CWF19L2: variants seen among roughly 807,000 people sequenced by gnomAD.
The protein encoded by CWF19L2 is CWF19 like cell cycle control factor 2.
In CWF19L2, 98 loss-of-function variants were observed where a neutral mutation model predicts 111.7. The observed-to-expected ratio is 0.88, with a 90% CI of 0.75 to 1.04. The LOEUF is 1.04. CWF19L2 is among the 50% of genes least tolerant of loss of function. The pLI, the probability that CWF19L2 is intolerant of heterozygous loss-of-function variation, is 0.00. For synonymous variants in CWF19L2, 351 were observed against 342.9 expected, an observed-to-expected ratio of 1.02 and a Z score of -0.26; for missense variants, 1,101 against 1,051.4, an observed-to-expected ratio of 1.05 and a Z score of -0.65.
rs772260147 is a variant in CWF19L2 at position 107,330,033 on chromosome 11, C to A, written c.2440-14G>T. 5.4e-6 allele frequency: 8 copies of A among 1,475,042 alleles called. No individual in the cohort carries two copies. In the South Asian group the frequency reaches 8.9e-5, roughly 16 times the overall value. 91.4% of individuals were successfully genotyped at this position (1,475,042 alleles called of 1,614,324 possible). ...CCCTCTGGGTACCTAAATAAACAGA[C>A]AAATCACAAATGGAATACAGTATGA... On this transcript the variant is annotated splice_polypyrimidine_tract_variant and intron_variant, in intron 16 of 17. Coordinates refer to ENST00000282251, the MANE Select transcript of CWF19L2 (RefSeq NM_152434.3).
chr11:107,403,924 G>A lies in CWF19L2; in HGVS notation c.1618-11029C>T, dbSNP rs1253893733. 4.7e-6 allele frequency: 4 copies of A among 858,276 alleles called. No individual in the cohort carries two copies. In the Admixed American group the frequency reaches 5.2e-5, roughly 11 times the overall value. The allele number at this position is 858,276 out of a possible 1,614,324, so 53.2% of individuals were successfully genotyped here. On this transcript the variant is annotated intron_variant, in intron 10 of 17. Transcript: ENST00000282251. ...CTAGTTTTCACTGAGGAACCATTAA[G>A]GACTGGACCTGTCGTTTAAGGACCT...
At chr11:107,434,462 TTGCCCCAGAACATGAC>T (rs1465196350) in intron 6 of CWF19L2, among the ~76,000 whole-genome samples, 1 of 152,008 alleles carries the variant, frequency 6.6e-6, no homozygotes, top group Non-Finnish European at 1.5e-5. Flanking sequence ...CTGATTTTCC[TTGCCCCAGAACATGAC>T]TGCTTTAAGA....
At chr11:107,365,259 G>C (rs1483228240) in intron 12 of CWF19L2, among the ~76,000 whole-genome samples, 1 of 145,812 alleles carries the variant, frequency 6.9e-6, no homozygotes, top group Non-Finnish European at 1.5e-5. Context: ...GGAGGAACTG[G>C]TACCATTCCT....
intron 3 of CWF19L2, among the ~76,000 whole-genome samples, chr11:107,448,631 G>A (rs1380547048): frequency 6.6e-6 from 1 of 152,150 alleles, no homozygotes. Context: ...GAATGTTTGT[G>A]TCCCCCACCA....
intron 12 of CWF19L2, among the ~76,000 whole-genome samples, chr11:107,360,259 G>A (rs1860305257): frequency 6.6e-6 from 1 of 152,084 alleles, no homozygotes; most frequent in African/African-American, 2.4e-5. Flanking sequence ...ATGACTTCCA[G>A]ATTCATTTAT....
chr11:107,406,002 T>A (rs1451340713), intron 10 of CWF19L2, among the ~76,000 whole-genome samples: 1 of 152,050 alleles, frequency 6.6e-6, no homozygotes, highest in African/African-American at 2.4e-5. Flanking sequence ...AGGAAACAAC[T>A]AAGAACCAAA....
At chr11:107,361,562 G>A (rs1455213804) in intron 12 of CWF19L2, among the ~76,000 whole-genome samples, 1 of 152,060 alleles carries the variant, frequency 6.6e-6, no homozygotes, top group African/African-American at 2.4e-5. Context: ...AGATTACTCT[G>A]GCCAGTATGG....
intron 10 of CWF19L2, among the ~76,000 whole-genome samples, chr11:107,413,786 T>C (rs1861189757): frequency 6.6e-6 from 1 of 152,224 alleles, no homozygotes; most frequent in South Asian, 2.1e-4. Context: ...TTTATAATGT[T>C]ATCTAAGTCA....
chr11:107,378,533 C>T (rs923012053), intron 12 of CWF19L2, among the ~76,000 whole-genome samples: 22 of 152,216 alleles, frequency 1.4e-4, no homozygotes, highest in African/African-American at 4.1e-4. Flanking sequence ...AACCAAACAC[C>T]GCGTATTCTC....
rs191415312 is a variant in CWF19L2, at chr11:107,379,055, C to T, written c.1872+11019G>A. ...GGAAATACTGAAAACAAGCCAGATT[C>T]GTTAAAGAGATACGTGATCCTGGGC... On this transcript the variant is annotated intron_variant, in intron 12 of 17. Coordinates refer to ENST00000282251, the MANE Select transcript of CWF19L2 (RefSeq NM_152434.3). 2.8e-4 allele frequency among the ~76,000 whole-genome samples: 43 copies of T among 152,190 alleles called. No homozygotes were observed. The East Asian group carries it at 8.1e-3, about 29-fold the overall frequency.
In CWF19L2 at chr11:107,429,426, A is replaced by C; in HGVS notation, c.806T>G (p.Leu269Ter). ...GGATGCAGCTTTTTCAGCATCTTCT[A>C]ATTTTGACTGAAATATTTCCATTGA... is the stretch of plus-strand genomic sequence containing the variant. Reference protein sequence around the residue: ...YGSMEIFQSKLEDAEKAASTK... With the variant: ...YGSMEIFQSK Residue 269 changes from leucine (L) to a stop codon, truncating the protein, a stop_gained, in exon 8 of 18, where the codon TTA becomes TGA. Coordinates refer to ENST00000282251, the MANE Select transcript of CWF19L2 (RefSeq NM_152434.3). LOFTEE classifies it high-confidence loss of function. 6.4e-7 allele frequency: 1 copy of C among 1,558,032 alleles called. No homozygotes were observed. The highest frequency in any genetic ancestry group is 1.2e-5 in the South Asian group (1 of 83,076).
At chr11:107,447,567 T>C (rs1479809225) in intron 3 of CWF19L2, among the ~76,000 whole-genome samples, 1 of 152,218 alleles carries the variant, frequency 6.6e-6, no homozygotes, top group Non-Finnish European at 1.5e-5. Flanking sequence ...CATGCCTTAG[T>C]AGAAAGGCTA....
chr11:107,418,911 G>A (rs922901749), intron 8 of CWF19L2, among the ~76,000 whole-genome samples: 16 of 152,206 alleles, frequency 1.1e-4, no homozygotes, highest in African/African-American at 3.4e-4. Context: ...AGGCTACAGT[G>A]CAGGACAGTG....
At position 107,353,754 on chromosome 11, in the gene CWF19L2, C is replaced by T; in HGVS notation, c.1873-18G>A. 6.3e-7 allele frequency: 1 copy of T among 1,598,356 alleles called. No homozygotes were observed. Among genetic ancestry groups the T allele is most frequent in the Non-Finnish European group, 8.6e-7 (1 of 1,166,164 alleles). The stretch of plus-strand genomic sequence containing the variant: ...CCCATAAACTGAAAAACCAAAATAA[C>T]AGTAATAGAGAGTAGAAGGTAGTGA... On this transcript the variant is annotated intron_variant, in intron 12 of 17. Transcript: ENST00000282251.
At chr11:107,434,963 T>C (rs1339187180) in intron 6 of CWF19L2, among the ~76,000 whole-genome samples, 1 of 152,110 alleles carries the variant, frequency 6.6e-6, no homozygotes, top group Non-Finnish European at 1.5e-5. Context: ...TTTATGTACA[T>C]ATATAATATA....
rs1249136231 is a variant in CWF19L2 at position 107,368,701 on chromosome 11, G to A, written c.1873-14965C>T. 1.5e-5 allele frequency among the ~76,000 whole-genome samples: 2 copies of A among 137,146 alleles called. 1 individual carries two copies. The highest frequency in any genetic ancestry group is 5.8e-5 in the African/African-American group (2 of 34,410). The allele number at this position is 137,146 out of a possible 152,430, so 90.0% of individuals were successfully genotyped here. Reference sequence around the variant, plus strand: ...TAGCAAAACTTTCCAAATAGCTAAGGGTTTACCATTTAAGTATAAAAACAT... The same window carrying A: ...TAGCAAAACTTTCCAAATAGCTAAGAGTTTACCATTTAAGTATAAAAACAT... On this transcript the variant is annotated intron_variant, in intron 12 of 17. Transcript: ENST00000282251.
chr11:107,453,248 G>A (rs1001099737), intron 3 of CWF19L2, among the ~76,000 whole-genome samples: 15 of 152,132 alleles, frequency 9.9e-5, no homozygotes, highest in Admixed American at 7.9e-4. Flanking sequence ...ACAATACCAA[G>A]TACTAGCAAG....
chr11:107,402,232 G>C (rs1861011479), intron 10 of CWF19L2, among the ~76,000 whole-genome samples: 1 of 151,990 alleles, frequency 6.6e-6, no homozygotes, highest in African/African-American at 2.4e-5. Context: ...AAAAATAGCT[G>C]GGACCTATTA....
chr11:107,396,117 TG>T (rs1565267220), intron 10 of CWF19L2, among the ~76,000 whole-genome samples: 1 of 152,128 alleles, frequency 6.6e-6, no homozygotes, highest in Non-Finnish European at 1.5e-5. Flanking sequence ...ACCACCTACA[TG>T]GCATTAAAAT....
Sources: allele counts gnomAD v4.1 joint callset (sites outside exome capture counted in the v4.1 genomes callset), GRCh38; gene constraint gnomAD v4.1.1; transcripts MANE v1.5; gene names NCBI Gene and HGNC (gene_info 2026-07-23, HGNC 2026-07-21).